SKAP1: variants seen among roughly 807,000 people sequenced by gnomAD.
SKAP1 encodes src kinase associated phosphoprotein 1, also known as src kinase-associated phosphoprotein 1.
SKAP1 carries 44 observed loss-of-function variants against 58.5 expected under a neutral mutation model. The observed-to-expected ratio is 0.75, with a 90% CI of 0.59 to 0.97. The LOEUF is 0.97. Among genes scored for constraint, SKAP1 ranks in the 50% least tolerant of loss-of-function variants. SKAP1 has a pLI of 0.00. For synonymous variants in SKAP1, 127 were observed against 149.7 expected, an observed-to-expected ratio of 0.85 and a Z score of 1.11; for missense variants, 390 against 435.2, an observed-to-expected ratio of 0.90 and a Z score of 0.92.
chr17:48,274,543 A>T (rs2065675052), intron 4 of SKAP1, among the ~76,000 whole-genome samples: 1 of 152,044 alleles, frequency 6.6e-6, no homozygotes, highest in Non-Finnish European at 1.5e-5. Flanking sequence ...CTAAAAATAC[A>T]AAATTAGCCA....
At chr17:48,138,517 G>A (rs983840175) in intron 11 of SKAP1, among the ~76,000 whole-genome samples, 3 of 151,796 alleles carry the variant, frequency 2.0e-5, no homozygotes, top group Non-Finnish European at 2.9e-5. Context: ...TTACAGGCGC[G>A]CACCACCACG....
At chr17:48,337,068 C>A (rs2066581808) in intron 4 of SKAP1, among the ~76,000 whole-genome samples, 1 of 152,104 alleles carries the variant, frequency 6.6e-6, no homozygotes, top group South Asian at 2.1e-4. Flanking sequence ...GTGAAAACTT[C>A]CCATAAAGGA....
At chr17:48,207,600 A>G (rs1026898667) in intron 4 of SKAP1, among the ~76,000 whole-genome samples, 9 of 152,158 alleles carry the variant, frequency 5.9e-5, no homozygotes, top group Admixed American at 2.6e-4. Flanking sequence ...CTCATTTACA[A>G]TTCTAATATT....
rs564511264 is a variant in SKAP1 at position 48,212,005 on chromosome 17, C to T, written c.281-22505G>A. Among the ~76,000 whole-genome samples, 14 of 150,112 alleles carry T rather than the reference C, an allele frequency of 9.3e-5. No homozygotes were observed. The East Asian group carries it at 1.6e-3, about 17-fold the overall frequency. On this transcript the variant is annotated intron_variant, in intron 4 of 12. Transcript: ENST00000336915. The stretch of plus-strand genomic sequence containing the variant: ...AAATCACGTGGTCAAATCTAGTTGC[C>T]GTGGAGGCAGGGAGTTGTTCTGGGC...
At chr17:48,389,062 A>T (rs1429247460) in intron 2 of SKAP1, among the ~76,000 whole-genome samples, 2 of 152,266 alleles carry the variant, frequency 1.3e-5, no homozygotes, top group Non-Finnish European at 2.9e-5. Flanking sequence ...TTCAGCATTT[A>T]ATTATAACAT....
At chr17:48,368,890 C>A (rs2144419521) in intron 2 of SKAP1, among the ~76,000 whole-genome samples, 1 of 152,226 alleles carries the variant, frequency 6.6e-6, no homozygotes, top group South Asian at 2.1e-4. Flanking sequence ...ATGTTTTGGC[C>A]AGGCACTGTG....
At chr17:48,402,177 A>G (rs2067506636) in intron 1 of SKAP1, among the ~76,000 whole-genome samples, 1 of 152,250 alleles carries the variant, frequency 6.6e-6, no homozygotes, top group South Asian at 2.1e-4. Context: ...GTAGGAATGT[A>G]AAACAGTGCA....
At chr17:48,177,021 T>C (rs140839854) in intron 9 of SKAP1, among the ~76,000 whole-genome samples, 1 of 152,226 alleles carries the variant, frequency 6.6e-6, no homozygotes, top group Non-Finnish European at 1.5e-5. Flanking sequence ...AGGAAACAAA[T>C]GTTAGAGGCC....
At chr17:48,162,187 A>AACTC (rs1354969217) in intron 11 of SKAP1, among the ~76,000 whole-genome samples, 1 of 152,166 alleles carries the variant, frequency 6.6e-6, no homozygotes, top group Non-Finnish European at 1.5e-5. Context: ...GCTGGTCTTG[A>AACTC]ACTCCTGAGC....
intron 5 of SKAP1, among the ~76,000 whole-genome samples, chr17:48,188,575 T>A (rs996887074): frequency 2.0e-5 from 3 of 152,082 alleles, no homozygotes; most frequent in African/African-American, 7.2e-5. Flanking sequence ...TTGTCTCAGC[T>A]CTTTGACAGG....
In SKAP1 at chr17:48,267,554, C is replaced by A. The variant is rs556846991; in HGVS notation, c.281-78054G>T. On this transcript the variant is annotated intron_variant, in intron 4 of 12. Transcript: ENST00000336915. ...TTAAGGTCAACACCCAAATTATTGC[C>A]CTATATTAATCATTAATAACTTAGA... Among the ~76,000 whole-genome samples, 259 of 152,128 alleles carry A rather than the reference C, an allele frequency of 1.7e-3. 2 individuals are homozygous for A. The highest frequency in any genetic ancestry group is 5.9e-3 in the African/African-American group (246 of 41,504).
intron 11 of SKAP1, among the ~76,000 whole-genome samples, chr17:48,160,569 C>T (rs909302179): frequency 1.3e-5 from 2 of 151,980 alleles, no homozygotes; most frequent in African/African-American, 4.8e-5. Flanking sequence ...CAGCTCCATA[C>T]TGCAGGACAG....
chr17:48,315,930 C>T (rs543323332), intron 4 of SKAP1, among the ~76,000 whole-genome samples: 77 of 152,192 alleles, frequency 5.1e-4, no homozygotes, highest in African/African-American at 1.8e-3. Context: ...ATTCCAAAAT[C>T]TGAAATCCAA....
intron 6 of SKAP1, among the ~76,000 whole-genome samples, chr17:48,185,512 T>TA (rs1567810781): frequency 1.3e-5 from 2 of 151,778 alleles, no homozygotes; most frequent in Non-Finnish European, 1.5e-5. Context: ...TGTCACTACT[T>TA]AAAAAAAATG....
intron 4 of SKAP1, among the ~76,000 whole-genome samples, chr17:48,264,783 C>CACACA (rs2065525126): frequency 2.9e-5 from 4 of 140,282 alleles, no homozygotes; most frequent in East Asian, 1.9e-4. Flanking sequence ...CACACACACA[C>CACACA]CCTCCATCTC....
intron 4 of SKAP1, among the ~76,000 whole-genome samples, chr17:48,336,031 CAA>C (rs1292163636): frequency 6.6e-6 from 1 of 151,968 alleles, no homozygotes; most frequent in Non-Finnish European, 1.5e-5. Context: ...TAAAGCAAAA[CAA>C]AATAAAAATC....
At chr17:48,167,158 G>A (rs920402033) in intron 10 of SKAP1, among the ~76,000 whole-genome samples, 5 of 152,116 alleles carry the variant, frequency 3.3e-5, no homozygotes, top group African/African-American at 9.7e-5. Context: ...GAGTTACTGC[G>A]CCCAGCCTTG....
chr17:48,212,047 C>T (rs1171418301), intron 4 of SKAP1, among the ~76,000 whole-genome samples: 1 of 150,934 alleles, frequency 6.6e-6, no homozygotes, highest in Admixed American at 6.7e-5. Context: ...GAACCCAGAA[C>T]TGGGGGCTAG....
intron 2 of SKAP1, among the ~76,000 whole-genome samples, chr17:48,382,205 G>A (rs987871370): frequency 6.6e-6 from 1 of 151,716 alleles, no homozygotes; most frequent in African/African-American, 2.4e-5. Flanking sequence ...AACCCACATG[G>A]GGGGAGGGGA....
Sources: allele counts gnomAD v4.1 joint callset (sites outside exome capture counted in the v4.1 genomes callset), GRCh38; gene constraint gnomAD v4.1.1; transcripts MANE v1.5; gene names NCBI Gene and HGNC (gene_info 2026-07-23, HGNC 2026-07-21).